Variants in PCBP2 observed in about 807,000 individuals in gnomAD.
The protein encoded by PCBP2 is poly(rC) binding protein 2.
PCBP2 carries 4 observed loss-of-function variants against 50.1 expected under a neutral mutation model. That is an observed-to-expected ratio of 0.08 (90% confidence interval 0.04 to 0.18). PCBP2 has a LOEUF of 0.18. Among genes scored for constraint, PCBP2 ranks in the 10% least tolerant of loss-of-function variants. The pLI, the probability that PCBP2 is intolerant of heterozygous loss-of-function variation, is 1.00. For synonymous variants in PCBP2, 179 were observed against 168.0 expected (o/e 1.07, Z -0.51); for missense variants, 161 against 474.3 (o/e 0.34, Z 6.14).
At chr12:53,459,141 T>C (rs1941260497) in intron 5 of PCBP2, 131 bp from the exon 6 acceptor site, 1 of 653,990 alleles carries the variant, frequency 1.5e-6, no homozygotes. Context: ...TATTTGAACC[T>C]TTTGTCTATG....
chr12:53,472,387 A>G (rs569884658), intron 14 of PCBP2, among the ~76,000 whole-genome samples: 51 of 152,252 alleles, frequency 3.3e-4, no homozygotes, highest in Admixed American at 4.6e-4. Context: ...TCCTCCCCCA[A>G]TCTCATCCCT....
chr12:53,457,126 C>G (rs1941087738), intron 5 of PCBP2, among the ~76,000 whole-genome samples: 1 of 151,926 alleles, frequency 6.6e-6, no homozygotes. Flanking sequence ...ACCTGTAGCT[C>G]TCTGCATCCT....
intron 1 of PCBP2, among the ~76,000 whole-genome samples, chr12:53,453,949 C>G (rs1432141923): frequency 6.6e-6 from 1 of 152,048 alleles, no homozygotes; most frequent in Non-Finnish European, 1.5e-5. Flanking sequence ...TGATTGTTTT[C>G]TTTGGAAGGA....
intron 14 of PCBP2, among the ~76,000 whole-genome samples, chr12:53,472,824 C>G (rs1592680573): frequency 6.6e-6 from 1 of 152,124 alleles, no homozygotes; most frequent in Admixed American, 6.6e-5. Flanking sequence ...TGCCTTAAGA[C>G]TTCATATCTT....
At position 53,463,680 on chromosome 12, in the gene PCBP2, C is replaced by T. The variant is rs375161974; in HGVS notation, c.580-1080C>T. On this transcript the variant is annotated intron_variant, in intron 8 of 14. Coordinates refer to ENST00000546463, the MANE Select transcript of PCBP2 (RefSeq NM_031989.5). ...CCTAGGACTAATCTCCCACCAATAA[C>T]GTAGGGACACCTAGGGACAACTGCA... Among the ~76,000 whole-genome samples, 5 of 152,284 alleles carry T rather than the reference C, an allele frequency of 3.3e-5. No individual in the cohort carries two copies. In the East Asian group the frequency reaches 5.8e-4, roughly 18 times the overall value.
At chr12:53,464,066 T>C (rs1941637508) in intron 8 of PCBP2, among the ~76,000 whole-genome samples, 1 of 152,176 alleles carries the variant, frequency 6.6e-6, no homozygotes, top group African/African-American at 2.4e-5. Flanking sequence ...CTCAGTCTAG[T>C]TAGTCAGAGT....
rs199956511 is a variant in PCBP2 at position 53,454,880 on chromosome 12, G to C, written c.69+11G>C. On this transcript the variant is annotated intron_variant, in intron 2 of 14. Transcript: ENST00000546463. ...CTTATGCATGGAAAGGTATGCTCTA[G>C]CTTGGGAAATGGGGTCATAGTAACT... The C allele has an allele frequency of 1.9e-6, 3 of 1,612,722 alleles. No individual in the cohort carries two copies. Among genetic ancestry groups the C allele is most frequent in the Non-Finnish European group, 2.5e-6 (3 of 1,178,680 alleles).
chr12:53,455,698 TC>T (rs1940957610), intron 4 of PCBP2, among the ~76,000 whole-genome samples, 186 bp from the exon 5 acceptor site: 1 of 152,170 alleles, frequency 6.6e-6, no homozygotes, highest in African/African-American at 2.4e-5. Context: ...CAGAATTCTT[TC>T]AAGACTTAAG....
intron 14 of PCBP2, among the ~76,000 whole-genome samples, chr12:53,477,142 A>G (rs1045503543): frequency 6.6e-6 from 1 of 151,784 alleles, no homozygotes; most frequent in Admixed American, 6.6e-5. Flanking sequence ...GCAAATCCCC[A>G]TTCGGGCTTG....
chr12:53,464,987 A>AC (rs1162311769), intron 9 of PCBP2, 135 bp downstream of exon 9: 47 of 1,067,948 alleles, frequency 4.4e-5, no homozygotes, highest in Middle Eastern at 2.5e-4. Context: ...ACCTGGACTG[A>AC]CCCCCCCAAC....
chr12:53,470,728 T>C (rs2137096011), intron 13 of PCBP2, among the ~76,000 whole-genome samples: 1 of 151,808 alleles, frequency 6.6e-6, no homozygotes, highest in Non-Finnish European at 1.5e-5. Flanking sequence ...GGTCATATTT[T>C]TTACAGTATT....
At chr12:53,460,900 A>C in intron 6 of PCBP2, 115 bp from the exon 7 acceptor site, 1 of 1,137,512 alleles carries the variant, frequency 8.8e-7, no homozygotes, top group Non-Finnish European at 1.3e-6. Flanking sequence ...ACAAAAAGGG[A>C]AGATTGGAAA....
rs773246658 is a variant in PCBP2, at chr12:53,471,598, A to ACTCTAAT, written c.883-39_883-33dup. On this transcript the variant is annotated intron_variant, in intron 13 of 14. Coordinates refer to ENST00000546463, the MANE Select transcript of PCBP2 (RefSeq NM_031989.5). ...TGGGATTCTTAGACCTAGCCATGCA[A>ACTCTAAT]CTCTAATTCGGTGTGCCTTGTTTTT... 37 of 1,567,762 alleles carry ACTCTAAT rather than the reference A, an allele frequency of 2.4e-5. No individual in the cohort carries two copies. In the Admixed American group the frequency reaches 6.6e-4, roughly 28 times the overall value.
intron 1 of PCBP2, chr12:53,454,463 C>T: frequency 4.1e-6 from 1 of 245,718 alleles, no homozygotes; most frequent in Non-Finnish European, 8.0e-6. Flanking sequence ...GAACCATTGC[C>T]AATTGAAAGA....
chr12:53,469,266 T>C (rs183538053), intron 13 of PCBP2, among the ~76,000 whole-genome samples: 1 of 152,254 alleles, frequency 6.6e-6, no homozygotes, highest in African/African-American at 2.4e-5. Context: ...TTATCTTTAT[T>C]TTTGTTTTTG....
Position 53,459,291 on chromosome 12 carries a change from C to T in PCBP2, c.263C>T (p.Thr88Ile). ...CTGTAGGACATAAGCAGCTCTATGA[C>T]CAATAGCACAGCTGCCAGTAGACCC... ...KLEEDISSSM[T>I]NSTAASRPPV... Residue 88 changes from threonine to isoleucine, a missense_variant, in exon 6 of 15, where the codon ACC becomes ATC. Coordinates refer to ENST00000546463, the MANE Select transcript of PCBP2 (RefSeq NM_031989.5). 1.9e-6 allele frequency: 3 copies of T among 1,611,928 alleles called. No homozygotes were observed. The highest frequency in any genetic ancestry group is 2.5e-6 in the Non-Finnish European group (3 of 1,178,814).
In PCBP2 at chr12:53,474,437, A is replaced by G. The variant is rs574223443; in HGVS notation, c.1052+2630A>G. ...AAAATTCTGCTTTATAAATATTCAAAGCTTCACAAGTAATTGTGGGATAAT... is the reference window on the plus strand; with the variant it reads ...AAAATTCTGCTTTATAAATATTCAAGGCTTCACAAGTAATTGTGGGATAAT... On this transcript the variant is annotated intron_variant, in intron 14 of 14. Coordinates refer to ENST00000546463, the MANE Select transcript of PCBP2 (RefSeq NM_031989.5). 7.9e-5 allele frequency among the ~76,000 whole-genome samples: 12 copies of G among 152,376 alleles called. No homozygotes were observed. The South Asian group carries it at 2.5e-3, about 32-fold the overall frequency.
chr12:53,463,511 AGTATTTACATT>A (rs751546317), intron 8 of PCBP2, among the ~76,000 whole-genome samples: 56 of 152,364 alleles, frequency 3.7e-4, no homozygotes, highest in Non-Finnish European at 7.1e-4. Context: ...GTATTTACAT[AGTATTTACATT>A]GTATTAGGTA....
chr12:53,468,829 C>T lies in PCBP2; in HGVS notation c.879C>T (p.Asn293=), dbSNP rs752531918. The part of the protein sequence containing the change: ...QTTSHELTIP[N]DLIGCIIGRQ... ...CTTCTCATGAACTCACCATTCCAAACGATGTAAGTGTAGTTAGGTTGCATG... is the reference window on the plus strand; with the variant it reads ...CTTCTCATGAACTCACCATTCCAAATGATGTAAGTGTAGTTAGGTTGCATG... Residue 293 remains asparagine (N), a synonymous_variant, in exon 13 of 15, where the codon AAC becomes AAT. Transcript: ENST00000546463. 26 of 1,609,592 alleles carry T rather than the reference C, an allele frequency of 1.6e-5. No individual in the cohort carries two copies. Among genetic ancestry groups the T allele is most frequent in the Middle Eastern group, 3.3e-4 (2 of 6,050 alleles).
Sources: allele counts gnomAD v4.1 joint callset (sites outside exome capture counted in the v4.1 genomes callset), GRCh38; gene constraint gnomAD v4.1.1; transcripts MANE v1.5; gene names NCBI Gene and HGNC (gene_info 2026-07-23, HGNC 2026-07-21).